ARHGAP32: variants seen among roughly 807,000 people sequenced by gnomAD.
ARHGAP32 encodes Rho GTPase activating protein 32.
In ARHGAP32, 51 loss-of-function variants were observed where a neutral mutation model predicts 186.5. The ratio of observed to expected loss-of-function variants is 0.27; its 90% confidence interval spans 0.22 to 0.35. The LOEUF (loss-of-function observed/expected upper bound fraction) is 0.35. Ranked by LOEUF, ARHGAP32 falls within the 10% of genes least tolerant of loss-of-function variation. The pLI is 1.00. For synonymous variants in ARHGAP32, 950 were observed against 964.3 expected (o/e 0.99, Z 0.27); for missense variants, 2,186 against 2,623.5 (o/e 0.83, Z 3.64).
intron 2 of ARHGAP32, among the ~76,000 whole-genome samples, chr11:129,140,222 C>T (rs1943022732): frequency 6.6e-6 from 1 of 151,988 alleles, no homozygotes; most frequent in Non-Finnish European, 1.5e-5. Flanking sequence ...CCCACAATGA[C>T]AGCCAGCAAG....
chr11:129,040,148 A>G (rs1037771744), intron 11 of ARHGAP32, among the ~76,000 whole-genome samples: 2 of 152,046 alleles, frequency 1.3e-5, no homozygotes, highest in African/African-American at 4.8e-5. Flanking sequence ...ACTCTTACAT[A>G]CAGGTCCTAA....
chr11:129,002,279 T>A (rs1946380290), intron 11 of ARHGAP32, among the ~76,000 whole-genome samples: 1 of 152,190 alleles, frequency 6.6e-6, no homozygotes, highest in African/African-American at 2.4e-5. Context: ...CTTGCATCAG[T>A]GTTTTATAGT....
intron 6 of ARHGAP32, among the ~76,000 whole-genome samples, chr11:129,072,413 T>C (rs1940897245): frequency 6.6e-6 from 1 of 152,200 alleles, no homozygotes. Context: ...AAGTAATCAC[T>C]GGACTTCTGG....
intron 5 of ARHGAP32, among the ~76,000 whole-genome samples, chr11:129,118,898 A>AAT (rs1437270317): frequency 1.3e-5 from 2 of 152,084 alleles, no homozygotes; most frequent in Middle Eastern, 3.4e-3. Context: ...TTTGTTTTTA[A>AAT]ATATATATAT....
intron 7 of ARHGAP32, among the ~76,000 whole-genome samples, chr11:129,065,912 C>G (rs999529701): frequency 6.6e-6 from 1 of 152,120 alleles, no homozygotes; most frequent in Non-Finnish European, 1.5e-5. Context: ...GATCATTCAA[C>G]TCCCTGACTT....
intron 5 of ARHGAP32, among the ~76,000 whole-genome samples, chr11:129,113,531 T>C (rs1347259037): frequency 1.3e-5 from 2 of 152,130 alleles, no homozygotes; most frequent in Non-Finnish European, 2.9e-5. Flanking sequence ...TTTATATATA[T>C]ATTTTGCATT....
At chr11:129,213,328 C>G (rs1299867066) in intron 1 of ARHGAP32, among the ~76,000 whole-genome samples, 1 of 152,192 alleles carries the variant, frequency 6.6e-6, no homozygotes, top group East Asian at 1.9e-4. Flanking sequence ...GGTATTTTAA[C>G]TGACACAAGG....
chr11:129,055,711 C>G (rs539705227), intron 10 of ARHGAP32, among the ~76,000 whole-genome samples: 1 of 151,916 alleles, frequency 6.6e-6, no homozygotes, highest in African/African-American at 2.4e-5. Context: ...TCCAACAATA[C>G]GGATATTTTG....
intron 2 of ARHGAP32, among the ~76,000 whole-genome samples, chr11:129,142,773 A>G (rs997817816): frequency 1.3e-4 from 20 of 151,874 alleles, no homozygotes; most frequent in African/African-American, 4.3e-4. Context: ...AGACTTGATC[A>G]AAGTGTTCTT....
intron 2 of ARHGAP32, among the ~76,000 whole-genome samples, chr11:129,138,002 G>A (rs1942970904): frequency 6.6e-6 from 1 of 151,844 alleles, no homozygotes; most frequent in Non-Finnish European, 1.5e-5. Flanking sequence ...TTTAATAAAA[G>A]CACATTAAAA....
At chr11:129,029,801 CAA>C (rs34762356) in intron 11 of ARHGAP32, among the ~76,000 whole-genome samples, 1 of 46,948 alleles carries the variant, frequency 2.1e-5, no homozygotes, top group East Asian at 7.9e-4. Flanking sequence ...GACTCCGTCT[CAA>C]AAAAAAAAAA....
intron 1 of ARHGAP32, among the ~76,000 whole-genome samples, chr11:129,268,608 CCTTT>C (rs887902599): frequency 2.4e-4 from 30 of 125,752 alleles, no homozygotes; most frequent in Non-Finnish European, 3.5e-4. Context: ...CCTGAAGTAA[CCTTT>C]CTTTCTTTAA....
chr11:129,178,187 T>G (rs1943963701), intron 1 of ARHGAP32, among the ~76,000 whole-genome samples: 1 of 151,958 alleles, frequency 6.6e-6, no homozygotes, highest in Non-Finnish European at 1.5e-5. Context: ...GAACTCACAT[T>G]CACAATTGCT....
chr11:129,159,413 T>C (rs1943481987), intron 2 of ARHGAP32, among the ~76,000 whole-genome samples: 2 of 152,096 alleles, frequency 1.3e-5, no homozygotes, highest in Admixed American at 6.5e-5. Flanking sequence ...AATCAGAGAA[T>C]ACTGTAAACA....
At chr11:129,092,372 G>A (rs1057176019) in intron 6 of ARHGAP32, among the ~76,000 whole-genome samples, 1 of 151,766 alleles carries the variant, frequency 6.6e-6, no homozygotes, top group African/African-American at 2.4e-5. Flanking sequence ...ATTCATTCCT[G>A]ACATACCAAC....
chr11:129,243,650 A>T (rs1012994780), intron 1 of ARHGAP32, among the ~76,000 whole-genome samples: 1 of 152,184 alleles, frequency 6.6e-6, no homozygotes, highest in South Asian at 2.1e-4. Context: ...AACCATTCCA[A>T]TATGAGGACT....
In ARHGAP32 at chr11:129,238,337, C is replaced by G. The variant is rs80064051; in HGVS notation, c.-5+40809G>C. On this transcript the variant is annotated intron_variant, in intron 1 of 6. Transcript: ENST00000525234. ...AATGGTGCTTATGCCTTTCTGTGCC[C>G]TTTCTTCTCCCCTCTCTTCACACTT... Among the ~76,000 whole-genome samples the G allele has an allele frequency of 3.8e-3, 584 of 152,196 alleles. 8 individuals carry two copies. The highest frequency in any genetic ancestry group is 0.014 in the African/African-American group (567 of 41,520).
At chr11:129,156,799 G>A (rs1943418800) in intron 2 of ARHGAP32, among the ~76,000 whole-genome samples, 1 of 152,224 alleles carries the variant, frequency 6.6e-6, no homozygotes, top group African/African-American at 2.4e-5. Context: ...TCTCCCAGCA[G>A]TAGTCAACAG....
intron 1 of ARHGAP32, among the ~76,000 whole-genome samples, chr11:129,264,207 C>G (rs1265655306): frequency 6.6e-6 from 1 of 152,104 alleles, no homozygotes; most frequent in Non-Finnish European, 1.5e-5. Flanking sequence ...ATCATGGAAA[C>G]AGAAAGTAGA....
Sources: gnomAD v4.1 joint callset for allele counts (sites outside exome capture counted in the v4.1 genomes callset) on GRCh38, gnomAD v4.1.1 for gene constraint, MANE v1.5 for transcripts, NCBI Gene and HGNC (gene_info 2026-07-23, HGNC 2026-07-21) for gene names.